Variants in ARHGAP20 observed in about 807,000 individuals in gnomAD.
ARHGAP20 encodes rho GTPase-activating protein 20.
In ARHGAP20, 34 loss-of-function variants were observed where a neutral mutation model predicts 73.7. That is an observed-to-expected ratio of 0.46 (90% CI 0.35 to 0.61). ARHGAP20 has a LOEUF of 0.61. ARHGAP20 is among the 20% of genes least tolerant of loss of function. The pLI is 0.00. For missense variants in ARHGAP20, 1,314 were observed against 1,420.9 expected, an observed-to-expected ratio of 0.92 and a Z score of 1.21; for synonymous variants, 523 against 518.2, an observed-to-expected ratio of 1.01 and a Z score of -0.13.
At position 110,578,386 on chromosome 11, in the gene ARHGAP20, G is replaced by A. The variant is rs1591286697; in HGVS notation, c.*984C>T. Reference sequence around the variant, plus strand: ...CAGAAAAGGGATGATTTATAAGTATGTTTTTCTGGCTGACTGTAATCTAAG... The same window carrying A: ...CAGAAAAGGGATGATTTATAAGTATATTTTTCTGGCTGACTGTAATCTAAG... On this transcript the variant is annotated 3_prime_UTR_variant, in exon 15 of 15. Transcript: ENST00000683387. The A allele has an allele frequency of 4.1e-6, 4 of 985,464 alleles. No individual in the cohort carries two copies. The highest frequency in any genetic ancestry group is 4.8e-6 in the Non-Finnish European group (4 of 829,944). The allele number at this position is 985,464 out of a possible 1,614,324, so 61.0% of individuals were successfully genotyped here. A position where few individuals can be genotyped will look rare whatever the true frequency, so the allele number is the denominator to read the frequency against.
chr11:110,624,453 G>C (rs1487680848), intron 3 of ARHGAP20, 142 bp from the exon 4 acceptor site: 16 of 590,854 alleles, frequency 2.7e-5, no homozygotes, highest in Non-Finnish European at 3.3e-5. Flanking sequence ...ATAAGAGTGA[G>C]AGCTGAACAT....
intron 9 of ARHGAP20, among the ~76,000 whole-genome samples, chr11:110,594,830 CA>C (rs1947913880): frequency 7.9e-6 from 1 of 126,556 alleles, no homozygotes; most frequent in African/African-American, 4.0e-5. Context: ...GGCAGAGACA[CA>C]ACAAAAAAAA....
chr11:110,687,087 G>GACACACACACACAC (rs71057024), intron 2 of ARHGAP20, among the ~76,000 whole-genome samples: 10 of 136,790 alleles, frequency 7.3e-5, no homozygotes, highest in African/African-American at 2.0e-4. Flanking sequence ...CATATATATA[G>GACACACACACACAC]ACACACACAC....
chr11:110,690,219 CAA>C (rs1393589545), intron 2 of ARHGAP20, among the ~76,000 whole-genome samples: 1 of 152,086 alleles, frequency 6.6e-6, no homozygotes, highest in South Asian at 2.1e-4. Flanking sequence ...TAAAAATATG[CAA>C]AGTTTTGTGC....
chr11:110,706,294 A>G (rs1950551573), intron 1 of ARHGAP20, among the ~76,000 whole-genome samples: 1 of 152,176 alleles, frequency 6.6e-6, no homozygotes, highest in African/African-American at 2.4e-5. Context: ...CAGTTTTGCC[A>G]CTTACTACAC....
chr11:110,661,115 A>G (rs1324225838), intron 2 of ARHGAP20, among the ~76,000 whole-genome samples: 2 of 152,222 alleles, frequency 1.3e-5, no homozygotes, highest in African/African-American at 4.8e-5. Flanking sequence ...TGGGGGTTAA[A>G]AAATAAAAAG....
intron 2 of ARHGAP20, among the ~76,000 whole-genome samples, chr11:110,667,085 G>T (rs945102104): frequency 6.6e-6 from 1 of 152,272 alleles, no homozygotes; most frequent in Non-Finnish European, 1.5e-5. Context: ...ACATGCTGAT[G>T]TGGAAGCTGT....
At chr11:110,694,458 TA>T (rs45551743) in intron 1 of ARHGAP20, among the ~76,000 whole-genome samples, 26,439 of 151,702 alleles carry the variant, frequency 0.17, 2,315 homozygotes, top group South Asian at 0.31. Context: ...AGCCTAACCA[TA>T]AATGAATAAA....
chr11:110,585,440 A>G (rs1466287983), intron 12 of ARHGAP20, among the ~76,000 whole-genome samples: 1 of 150,522 alleles, frequency 6.6e-6, no homozygotes, highest in East Asian at 1.9e-4. Flanking sequence ...CAGCTGTACT[A>G]TGTTCTACTG....
At chr11:110,684,443 C>A (rs1773948787) in intron 2 of ARHGAP20, among the ~76,000 whole-genome samples, 2 of 152,042 alleles carry the variant, frequency 1.3e-5, no homozygotes, top group Non-Finnish European at 2.9e-5. Context: ...ACTTTAATTT[C>A]TTAGCATCTG....
chr11:110,660,552 A>T (rs571270232), intron 2 of ARHGAP20, among the ~76,000 whole-genome samples: 1 of 152,268 alleles, frequency 6.6e-6, no homozygotes, highest in East Asian at 1.9e-4. Context: ...TCCTGGGAGC[A>T]CAGAGCCAAT....
Position 110,613,874 on chromosome 11 carries a change from GAC to G in ARHGAP20, c.630+685_630+686del, listed in dbSNP as rs745694659. Among the ~76,000 whole-genome samples, 10 of 152,224 alleles carry G rather than the reference GAC, an allele frequency of 6.6e-5. No individual in the cohort carries two copies. The South Asian group carries it at 1.0e-3, about 16-fold the overall frequency. ...GTGATCTAGAGCTGCTGTGAAGTAT[GAC>G]AGTTAATAGTATAAAATATTCATAA... On this transcript the variant is annotated intron_variant, in intron 6 of 14. Transcript: ENST00000683387.
Position 110,712,435 on chromosome 11 carries a change from T to TGCAGCGGCGACAGCCCGTCAGC in ARHGAP20, c.-205_-204insGCTGACGGGCTGTCGCCGCTGC. The TGCAGCGGCGACAGCCCGTCAGC allele has an allele frequency of 4.0e-6, 1 of 248,740 alleles. No homozygotes were observed. The highest frequency in any genetic ancestry group is 7.5e-6 in the Non-Finnish European group (1 of 133,766). 15.4% of individuals were successfully genotyped at this position (248,740 alleles called of 1,614,324 possible). The stretch of plus-strand genomic sequence containing the variant: ...CTCGACACCGCGGGCTGGAGGCGAG[T>TGCAGCGGCGACAGCCCGTCAGC]GCAGCGGCGACAGCCCGTCAGCGCC... On this transcript the variant is annotated 5_prime_UTR_variant, in exon 1 of 15. Coordinates refer to ENST00000683387, the MANE Select transcript of ARHGAP20 (RefSeq NM_001384657.1).
At chr11:110,590,541 C>G in intron 11 of ARHGAP20, 107 bp downstream of exon 11, 1 of 1,172,618 alleles carries the variant, frequency 8.5e-7, no homozygotes, top group South Asian at 2.1e-5. Context: ...GTTAATAAAT[C>G]TATTATGGGT....
At position 110,581,231 on chromosome 11, in the gene ARHGAP20, A is replaced by C. The variant is rs769344446; in HGVS notation, c.1721-6T>G. On this transcript the variant is annotated splice_polypyrimidine_tract_variant and splice_region_variant and intron_variant, in intron 14 of 14. Coordinates refer to ENST00000683387, the MANE Select transcript of ARHGAP20 (RefSeq NM_001384657.1). ...CAGTTGAAAGCAAGAAATATCTGTCAAAAAAATTAAACCATGATTAACATA... is the reference window on the plus strand; with the variant it reads ...CAGTTGAAAGCAAGAAATATCTGTCCAAAAAATTAAACCATGATTAACATA... 4 of 1,593,368 alleles carry C rather than the reference A, an allele frequency of 2.5e-6. No homozygotes were observed. The highest frequency in any genetic ancestry group is 3.4e-6 in the Non-Finnish European group (4 of 1,169,958).
intron 10 of ARHGAP20, 70 bp downstream of exon 10, chr11:110,591,907 A>T (rs1947837638): frequency 2.6e-6 from 4 of 1,513,930 alleles, no homozygotes; most frequent in Non-Finnish European, 3.6e-6. Context: ...TTGGGGACAG[A>T]TTTACCTCGC....
At chr11:110,640,715 T>A (rs1949060066) in intron 2 of ARHGAP20, among the ~76,000 whole-genome samples, 1 of 141,990 alleles carries the variant, frequency 7.0e-6, no homozygotes, top group Non-Finnish European at 1.5e-5. Context: ...ACAATGTGAT[T>A]GTATGTAATA....
Position 110,614,688 on chromosome 11 carries a change from T to A in ARHGAP20, c.546-43A>T, listed in dbSNP as rs747399618. ...CAACCCAAAACAACACTGAGTCAGA[T>A]GGAATTCGCTAATGGCTTATTTTAA... On this transcript the variant is annotated intron_variant, in intron 5 of 14. Coordinates refer to ENST00000683387, the MANE Select transcript of ARHGAP20 (RefSeq NM_001384657.1). The A allele has an allele frequency of 3.1e-6, 4 of 1,271,056 alleles. No individual in the cohort carries two copies. In the African/African-American group the frequency reaches 6.1e-5, roughly 19 times the overall value. 78.7% of individuals were successfully genotyped at this position (1,271,056 alleles called of 1,614,324 possible).
In ARHGAP20 at chr11:110,661,188, T is replaced by A. The variant is rs144860698; in HGVS notation, c.188+29359A>T. On this transcript the variant is annotated intron_variant, in intron 2 of 14. Coordinates refer to ENST00000683387, the MANE Select transcript of ARHGAP20 (RefSeq NM_001384657.1). Reference sequence around the variant, plus strand: ...TATTTTCATTTTAATAAAAAGCAGATAATTATTAAGTCCAAGAGGAATTAG... The same window carrying A: ...TATTTTCATTTTAATAAAAAGCAGAAAATTATTAAGTCCAAGAGGAATTAG... Among the ~76,000 whole-genome samples the A allele has an allele frequency of 3.2e-3, 492 of 152,316 alleles. 4 individuals are homozygous for A. The highest frequency in any genetic ancestry group is 0.03 in the South Asian group (143 of 4,828).
Sources: allele counts gnomAD v4.1 joint callset (sites outside exome capture counted in the v4.1 genomes callset), GRCh38; gene constraint gnomAD v4.1.1; transcripts MANE v1.5; gene names NCBI Gene and HGNC (gene_info 2026-07-23, HGNC 2026-07-21).